Variants in WDR64 observed in about 807,000 individuals in gnomAD.
WDR64 encodes WD repeat-containing protein 64.
In WDR64, 112 loss-of-function variants were observed where a neutral mutation model predicts 139.3. The observed-to-expected ratio is 0.80, with a 90% CI of 0.69 to 0.94. The LOEUF is 0.94. WDR64 is among the 40% of genes least tolerant of loss of function. WDR64 has a pLI of 0.00. For synonymous variants in WDR64, 444 were observed against 437.7 expected, an observed-to-expected ratio of 1.01 and a Z score of -0.18; for missense variants, 1,206 against 1,293.1, an observed-to-expected ratio of 0.93 and a Z score of 1.03.
intron 10 of WDR64, among the ~76,000 whole-genome samples, chr1:241,728,348 G>GA (rs11302541): frequency 3.8e-5 from 2 of 51,980 alleles, no homozygotes; most frequent in Admixed American, 4.1e-4. Context: ...AGAAGAAGAA[G>GA]AAAAAAAAAG....
chr1:241,737,041 C>T (rs1488363845), intron 10 of WDR64, among the ~76,000 whole-genome samples: 2 of 152,156 alleles, frequency 1.3e-5, no homozygotes, highest in Non-Finnish European at 2.9e-5. Flanking sequence ...TTCCTTGAAT[C>T]CACTTTTGTG....
chr1:241,692,981 T>G (rs1417814447), intron 8 of WDR64, among the ~76,000 whole-genome samples: 1 of 152,192 alleles, frequency 6.6e-6, no homozygotes, highest in Non-Finnish European at 1.5e-5. Context: ...AATGGTGCAG[T>G]GACTTTAGAA....
At chr1:241,664,529 A>G (rs763225420) in intron 2 of WDR64, among the ~76,000 whole-genome samples, 19 of 152,238 alleles carry the variant, frequency 1.2e-4, no homozygotes, top group Non-Finnish European at 2.6e-4. Flanking sequence ...ATTTACATGG[A>G]ATTCTACAGT....
At chr1:241,660,432 A>G (rs1420224763) in intron 1 of WDR64, 98 bp from the exon 2 acceptor site, 3 of 1,413,464 alleles carry the variant, frequency 2.1e-6, no homozygotes, top group South Asian at 2.8e-5. Flanking sequence ...ATAGATTGAG[A>G]AAAGAAAATA....
At chr1:241,687,341 C>A in intron 7 of WDR64, 120 bp from the exon 8 acceptor site, 2 of 1,065,440 alleles carry the variant, frequency 1.9e-6, no homozygotes, top group Non-Finnish European at 1.3e-6. Flanking sequence ...ATGCATTGGG[C>A]TGTATTCTAC....
At chr1:241,705,728 C>T (rs1465400454) in intron 8 of WDR64, among the ~76,000 whole-genome samples, 1 of 152,058 alleles carries the variant, frequency 6.6e-6, no homozygotes, top group East Asian at 1.9e-4. Flanking sequence ...GCTGCAGATA[C>T]AGATGTGTGC....
chr1:241,782,579 A>G (rs549866414), intron 22 of WDR64, among the ~76,000 whole-genome samples: 1 of 152,124 alleles, frequency 6.6e-6, no homozygotes, highest in African/African-American at 2.4e-5. Context: ...CCACTTAACA[A>G]CTCTAGTTCA....
intron 4 of WDR64, chr1:241,676,070 C>T (rs1666544167): frequency 6.6e-6 from 1 of 152,082 alleles, no homozygotes; most frequent in South Asian, 2.1e-4. Flanking sequence ...AAAATTTTAT[C>T]ATAATTTTCA....
At chr1:241,683,296 C>G (rs1440321641) in intron 6 of WDR64, among the ~76,000 whole-genome samples, 191 bp from the exon 7 acceptor site, 1 of 152,190 alleles carries the variant, frequency 6.6e-6, no homozygotes, top group African/African-American at 2.4e-5. Context: ...CCCAAAATAA[C>G]AATGTTGGGC....
At chr1:241,770,450 T>C in intron 17 of WDR64, 171 bp from the exon 18 acceptor site, 1 of 531,186 alleles carries the variant, frequency 1.9e-6, no homozygotes, top group Non-Finnish European at 3.3e-6. Flanking sequence ...AATATCATAC[T>C]GGTCAACATT....
At chr1:241,766,021 A>C (rs1387385085) in intron 15 of WDR64, among the ~76,000 whole-genome samples, 197 bp from the exon 16 acceptor site, 1 of 152,198 alleles carries the variant, frequency 6.6e-6, no homozygotes, top group East Asian at 1.9e-4. Flanking sequence ...ATATTTGTTG[A>C]TCTAATGAAT....
Position 241,801,302 on chromosome 1 carries a change from C to T in WDR64, c.*87C>T. ...TTTATTTCAGGATGAGAGGGAGAAA[C>T]CACCAGACACTATCAGTCATCTCTG... On this transcript the variant is annotated 3_prime_UTR_variant, in exon 28 of 28. Transcript: ENST00000437684. The T allele has an allele frequency of 8.7e-7, 1 of 1,146,370 alleles. No individual in the cohort carries two copies. Among genetic ancestry groups the T allele is most frequent in the Non-Finnish European group, 1.3e-6 (1 of 770,680 alleles). The allele number at this position is 1,146,370 out of a possible 1,614,324, so 71.0% of individuals were successfully genotyped here.
chr1:241,663,649 C>A (rs1455431222), intron 2 of WDR64, among the ~76,000 whole-genome samples: 2 of 152,186 alleles, frequency 1.3e-5, no homozygotes, highest in African/African-American at 4.8e-5. Context: ...TAGAGTGGGG[C>A]CTTCCAAAGC....
intron 8 of WDR64, among the ~76,000 whole-genome samples, chr1:241,701,278 G>GCACACACA (rs71797604): frequency 1.3e-5 from 2 of 150,892 alleles, no homozygotes; most frequent in African/African-American, 4.9e-5. Context: ...GCACATGCGC[G>GCACACACA]CACACACACA....
intron 8 of WDR64, among the ~76,000 whole-genome samples, chr1:241,690,996 A>G (rs1219255213): frequency 2.0e-5 from 3 of 152,174 alleles, no homozygotes; most frequent in African/African-American, 7.2e-5. Flanking sequence ...AATAAATGAC[A>G]GCAATAATAC....
chr1:241,796,961 G>C (rs1292950825), intron 27 of WDR64, among the ~76,000 whole-genome samples: 1 of 152,158 alleles, frequency 6.6e-6, no homozygotes, highest in Non-Finnish European at 1.5e-5. Context: ...AGCTGTTTTA[G>C]AAACTAGGAG....
intron 17 of WDR64, chr1:241,770,373 A>G (rs1658382274): frequency 5.2e-6 from 2 of 385,606 alleles, no homozygotes; most frequent in Admixed American, 4.5e-5. Flanking sequence ...GGGATAGGCA[A>G]GACTTTTATT....
chr1:241,679,503 G>C lies in WDR64; in HGVS notation c.532G>C (p.Gly178Arg). The C allele has an allele frequency of 1.3e-6, 2 of 1,551,978 alleles. No individual in the cohort carries two copies. Among genetic ancestry groups the C allele is most frequent in the Non-Finnish European group, 1.7e-6 (2 of 1,146,950 alleles). Residue 178 changes from glycine (G) to arginine (R), a missense_variant, in exon 6 of 28, where the codon GGG (glycine) becomes CGG (arginine). By Grantham distance (125) the Gly-to-Arg change is moderately radical. Coordinates refer to ENST00000437684, the MANE Select transcript of WDR64 (RefSeq NM_001367482.1). ...CTATCAGGACACCTCCTGGATTACA[G>C]GGTGTGATTACCTCTTGCAGCTGAA... ...TNVTDTSWIT[G>R]CDYLLQLKRI... is the part of the protein sequence containing the mutation.
chr1:241,721,014 G>A (rs1668588615), intron 9 of WDR64, among the ~76,000 whole-genome samples: 1 of 152,150 alleles, frequency 6.6e-6, no homozygotes, highest in African/African-American at 2.4e-5. Flanking sequence ...TCTGCATGTG[G>A]CTAGCCAGTT....
Sources: allele counts gnomAD v4.1 joint callset (sites outside exome capture counted in the v4.1 genomes callset), GRCh38; gene constraint gnomAD v4.1.1; transcripts MANE v1.5; gene names NCBI Gene and HGNC (gene_info 2026-07-23, HGNC 2026-07-21).